Variants in GULP1 observed in about 807,000 individuals in gnomAD.
The protein encoded by GULP1 is PTB domain-containing engulfment adapter protein 1.
In GULP1, 19 loss-of-function variants were observed where a neutral mutation model predicts 40.9. That is an observed-to-expected ratio of 0.46 (90% CI 0.32 to 0.68). The LOEUF (loss-of-function observed/expected upper bound fraction) is 0.68. Ranked by LOEUF, GULP1 falls within the 30% of genes least tolerant of loss-of-function variation. The probability of loss-of-function intolerance (pLI) is 0.03; values close to 1 mark genes in which losing one functional copy is unlikely to be tolerated. For synonymous variants in GULP1, 119 were observed against 117.6 expected, an observed-to-expected ratio of 1.01 and a Z score of -0.08; for missense variants, 312 against 362.2, an observed-to-expected ratio of 0.86 and a Z score of 1.12.
At chr2:188,511,901 T>C (rs1264620900) in intron 4 of GULP1, among the ~76,000 whole-genome samples, 1 of 152,186 alleles carries the variant, frequency 6.6e-6, no homozygotes, top group African/African-American at 2.4e-5. Context: ...TAATTTAAAA[T>C]TTAAAGTATA....
chr2:188,376,537 T>C (rs891372541), intron 1 of GULP1, among the ~76,000 whole-genome samples: 3 of 152,150 alleles, frequency 2.0e-5, no homozygotes, highest in Non-Finnish European at 2.9e-5. Flanking sequence ...ATAAGGTTTT[T>C]ATGAAAACCT....
chr2:188,580,266 G>A (rs984041725), intron 9 of GULP1, among the ~76,000 whole-genome samples: 2 of 152,188 alleles, frequency 1.3e-5, no homozygotes, highest in Admixed American at 6.5e-5. Flanking sequence ...TTACAATGGA[G>A]ATCAAGGCCG....
chr2:188,382,617 T>G (rs2049138842), intron 1 of GULP1, among the ~76,000 whole-genome samples: 1 of 152,166 alleles, frequency 6.6e-6, no homozygotes, highest in African/African-American at 2.4e-5. Context: ...GCGCGGTAGC[T>G]CACACCTGTA....
At chr2:188,407,345 C>G (rs1290992667) in intron 2 of GULP1, among the ~76,000 whole-genome samples, 1 of 152,106 alleles carries the variant, frequency 6.6e-6, no homozygotes, top group East Asian at 1.9e-4. Context: ...AATACACAGT[C>G]TAATTCAGAA....
At chr2:188,405,116 C>A (rs34899510) in intron 2 of GULP1, among the ~76,000 whole-genome samples, 2,592 of 152,240 alleles carry the variant, frequency 0.017, 35 homozygotes, top group Middle Eastern at 0.034. Context: ...CAGAACTGCT[C>A]CCATGCGAGG....
chr2:188,480,539 T>C (rs915009066), intron 3 of GULP1, among the ~76,000 whole-genome samples: 2 of 151,946 alleles, frequency 1.3e-5, no homozygotes, highest in Non-Finnish European at 2.9e-5. Context: ...GATGCTCTAA[T>C]GGTGTTAGAG....
At chr2:188,331,836 T>A (rs997527017) in intron 1 of GULP1, among the ~76,000 whole-genome samples, 1 of 152,242 alleles carries the variant, frequency 6.6e-6, no homozygotes, top group Non-Finnish European at 1.5e-5. Flanking sequence ...TTATTACATA[T>A]AACTTTTATC....
At chr2:188,360,006 A>G (rs1452144082) in intron 1 of GULP1, among the ~76,000 whole-genome samples, 1 of 152,124 alleles carries the variant, frequency 6.6e-6, no homozygotes, top group Non-Finnish European at 1.5e-5. Flanking sequence ...TTCTGTATTT[A>G]TCAAGCCTTG....
intron 2 of GULP1, among the ~76,000 whole-genome samples, chr2:188,435,342 G>C (rs1176798764): frequency 6.6e-6 from 1 of 151,942 alleles, no homozygotes; most frequent in Non-Finnish European, 1.5e-5. Flanking sequence ...TGATCTCATT[G>C]ACAACCTGTT....
At chr2:188,506,615 T>C (rs2063944585) in intron 4 of GULP1, among the ~76,000 whole-genome samples, 2 of 151,900 alleles carry the variant, frequency 1.3e-5, no homozygotes, top group Admixed American at 1.3e-4. Flanking sequence ...GCAACAAGCT[T>C]GGGATACAAA....
chr2:188,529,758 C>G (rs140410180), intron 6 of GULP1, among the ~76,000 whole-genome samples: 25 of 152,206 alleles, frequency 1.6e-4, no homozygotes, highest in Admixed American at 1.6e-3. Context: ...GCTGCCTTTT[C>G]ACACTTGTCT....
At chr2:188,569,143 G>A in intron 7 of GULP1, 96 bp from the exon 8 acceptor site, 1 of 717,060 alleles carries the variant, frequency 1.4e-6, no homozygotes, top group East Asian at 2.6e-5. Flanking sequence ...TCTTGTGAAT[G>A]TCTTGGAGTA....
chr2:188,537,118 A>T (rs1158939486), intron 6 of GULP1, among the ~76,000 whole-genome samples: 1 of 152,030 alleles, frequency 6.6e-6, no homozygotes, highest in African/African-American at 2.4e-5. Context: ...GTAGATAATC[A>T]TATTGTCAGT....
intron 2 of GULP1, among the ~76,000 whole-genome samples, chr2:188,425,442 G>C (rs769890320): frequency 2.0e-4 from 30 of 152,088 alleles, no homozygotes; most frequent in South Asian, 4.1e-4. Context: ...CTGTGAATCA[G>C]CCATTTGTCC....
chr2:188,361,923 T>A (rs2046144926), intron 1 of GULP1, among the ~76,000 whole-genome samples: 4 of 152,218 alleles, frequency 2.6e-5, no homozygotes, highest in Non-Finnish European at 4.4e-5. Context: ...TGCCTGCTTT[T>A]CCAAATTTAA....
At chr2:188,401,368 TAAATG>T (rs2052269152) in intron 2 of GULP1, among the ~76,000 whole-genome samples, 1 of 152,144 alleles carries the variant, frequency 6.6e-6, no homozygotes, top group Non-Finnish European at 1.5e-5. Context: ...TGAATGCACT[TAAATG>T]TAGTGGCTAT....
chr2:188,507,519 G>A (rs1025464647), intron 4 of GULP1, among the ~76,000 whole-genome samples: 1 of 150,104 alleles, frequency 6.7e-6, no homozygotes, highest in Admixed American at 6.7e-5. Flanking sequence ...TGACTCTAAC[G>A]CTATTATAAT....
intron 4 of GULP1, among the ~76,000 whole-genome samples, chr2:188,502,125 C>A (rs540529440): frequency 2.0e-5 from 3 of 151,726 alleles, no homozygotes; most frequent in Admixed American, 2.0e-4. Flanking sequence ...ATATCCCTAG[C>A]GGTGTAAGAG....
chr2:188,432,750 A>G (rs959959644), intron 2 of GULP1, among the ~76,000 whole-genome samples: 1 of 152,128 alleles, frequency 6.6e-6, no homozygotes, highest in Admixed American at 6.5e-5. Context: ...TTTAATATTT[A>G]CTTAAATCAC....
Sources: allele counts gnomAD v4.1 joint callset (sites outside exome capture counted in the v4.1 genomes callset), GRCh38; gene constraint gnomAD v4.1.1; transcripts MANE v1.5; gene names NCBI Gene and HGNC (gene_info 2026-07-23, HGNC 2026-07-21).